The following MAP1B variants were observed in gnomAD, a reference collection of about 807,000 sequenced individuals.
MAP1B encodes the protein microtubule-associated protein 1B.
Under a neutral mutation model 176.1 loss-of-function variants are expected in MAP1B, and 12 were observed. That is an observed-to-expected ratio of 0.07 (90% CI 0.04 to 0.11). The LOEUF (loss-of-function observed/expected upper bound fraction) is 0.11. Ranked by LOEUF, MAP1B falls within the 10% of genes least tolerant of loss-of-function variation. The probability of loss-of-function intolerance (pLI) is 1.00; values close to 1 mark genes in which losing one functional copy is unlikely to be tolerated. For missense variants in MAP1B, 2,523 were observed against 2,990.5 expected, an observed-to-expected ratio of 0.84 and a Z score of 3.65; for synonymous variants, 1,044 against 1,135.0, an observed-to-expected ratio of 0.92 and a Z score of 1.61.
intron 2 of MAP1B, among the ~76,000 whole-genome samples, chr5:72,156,749 T>C (rs2112173716): frequency 6.6e-6 from 1 of 152,306 alleles, no homozygotes; most frequent in Middle Eastern, 3.4e-3. Flanking sequence ...CCAGCTTCTG[T>C]TGCCGTGCAC....
chr5:72,197,164 C>G lies in MAP1B; in HGVS notation c.3809C>G (p.Thr1270Ser), dbSNP rs774573313. The G allele has an allele frequency of 2.9e-5, 47 of 1,613,952 alleles. No homozygotes were observed. In the South Asian group the frequency reaches 3.4e-4, roughly 12 times the overall value. ...SPSPPSPLEK[T>S]PLGERSVNFS... is the part of the protein sequence containing the mutation. ...TCTCCACCATCACCCTTAGAAAAGA[C>G]CCCCCTGGGTGAACGTAGTGTGAAC... is the stretch of plus-strand genomic sequence containing the variant. The change falls in exon 5 of 7, where the codon ACC (threonine) becomes AGC (serine). Residue 1270 changes from threonine to serine, a missense_variant. By Grantham distance (58) the Thr-to-Ser change is moderately conservative. Transcript: ENST00000296755.
intron 2 of MAP1B, among the ~76,000 whole-genome samples, chr5:72,138,042 A>T (rs1745868846): frequency 6.6e-6 from 1 of 152,220 alleles, no homozygotes; most frequent in Admixed American, 6.5e-5. Context: ...AACCCACCCT[A>T]TCACTTTAAA....
In MAP1B at chr5:72,198,727, A is replaced by G. The variant is rs1157845544; in HGVS notation, c.5372A>G (p.Glu1791Gly). The change falls in exon 5 of 7, where the codon GAG becomes GGG. Residue 1791 changes from glutamate (E) to glycine (G), a missense_variant. Glu to Gly is a moderately conservative substitution (Grantham distance 98). Transcript: ENST00000296755. ...KSDISPLTPR[E>G]SSPLYSPTFS... Reference sequence around the variant, plus strand: ...GATATCTCTCCACTCACCCCACGAGAGTCCTCTCCTTTATATTCACCTACT... The same window carrying G: ...GATATCTCTCCACTCACCCCACGAGGGTCCTCTCCTTTATATTCACCTACT... 6.2e-7 allele frequency: 1 copy of G among 1,614,150 alleles called. No homozygotes were observed. Among genetic ancestry groups the G allele is most frequent in the Non-Finnish European group, 8.5e-7 (1 of 1,180,034 alleles).
chr5:72,117,285 C>T (rs951727182), intron 2 of MAP1B, among the ~76,000 whole-genome samples: 4 of 152,052 alleles, frequency 2.6e-5, no homozygotes, highest in African/African-American at 9.7e-5. Context: ...TTAAAACCAT[C>T]TCACAAAAAA....
chr5:72,197,558 G>A lies in MAP1B; in HGVS notation c.4203G>A (p.Pro1401=), dbSNP rs752177471. The change falls in exon 5 of 7, where the codon CCG becomes CCA. Residue 1401 remains proline (P), a synonymous_variant. Transcript: ENST00000296755. The part of the protein sequence containing the change: ...IEKVLSPLRS[P]PLIGSESAYE... ...AAGTTTTGTCTCCTTTACGCAGCCC[G>A]CCCCTCATTGGATCCGAGTCTGCTT... 5.6e-6 allele frequency: 9 copies of A among 1,614,020 alleles called. No homozygotes were observed. Among genetic ancestry groups the A allele is most frequent in the East Asian group, 4.5e-5 (2 of 44,902 alleles).
chr5:72,148,133 A>G (rs1746078592), intron 2 of MAP1B, among the ~76,000 whole-genome samples: 1 of 152,228 alleles, frequency 6.6e-6, no homozygotes, highest in African/African-American at 2.4e-5. Context: ...GATTTTAAAA[A>G]TGGAAATTAT....
intron 2 of MAP1B, among the ~76,000 whole-genome samples, chr5:72,178,576 C>T (rs1746697374): frequency 6.6e-6 from 1 of 152,196 alleles, no homozygotes; most frequent in Non-Finnish European, 1.5e-5. Flanking sequence ...AAGCCCCTGC[C>T]CATGCCCTGC....
chr5:72,119,515 T>C (rs1348300333), intron 2 of MAP1B, among the ~76,000 whole-genome samples: 5 of 152,214 alleles, frequency 3.3e-5, no homozygotes, highest in African/African-American at 1.2e-4. Flanking sequence ...TTGTTGTTGT[T>C]GTTGTTTTGA....
intron 2 of MAP1B, among the ~76,000 whole-genome samples, chr5:72,147,643 A>G (rs1191947834): frequency 2.0e-5 from 3 of 152,254 alleles, no homozygotes; most frequent in African/African-American, 4.8e-5. Context: ...TCAATTGGCC[A>G]GTATTCCTGT....
At chr5:72,178,026 G>A (rs761374479) in intron 2 of MAP1B, among the ~76,000 whole-genome samples, 44 of 151,178 alleles carry the variant, frequency 2.9e-4, no homozygotes, top group Non-Finnish European at 4.9e-4. Context: ...TTTTTGAGGC[G>A]GAGTCTCACT....
chr5:72,145,540 T>C (rs1746029195), intron 2 of MAP1B, among the ~76,000 whole-genome samples: 1 of 152,226 alleles, frequency 6.6e-6, no homozygotes, highest in Non-Finnish European at 1.5e-5. Flanking sequence ...TGATGGAGAA[T>C]AATACATGAA....
chr5:72,122,870 C>T (rs929901326), intron 2 of MAP1B, among the ~76,000 whole-genome samples: 1 of 152,146 alleles, frequency 6.6e-6, no homozygotes, highest in Non-Finnish European at 1.5e-5. Flanking sequence ...CCAAGGACAG[C>T]ACCTCATGCT....
At chr5:72,180,879 G>T (rs1746749164) in intron 2 of MAP1B, among the ~76,000 whole-genome samples, 1 of 152,100 alleles carries the variant, frequency 6.6e-6, no homozygotes, top group Non-Finnish European at 1.5e-5. Context: ...TTTGGTGTCT[G>T]TGCCTTGTCT....
At chr5:72,203,886 C>A in intron 6 of MAP1B, 85 bp downstream of exon 6, 2 of 1,263,798 alleles carry the variant, frequency 1.6e-6, no homozygotes, top group Non-Finnish European at 1.1e-6. Flanking sequence ...AGAGGCACCT[C>A]ATGTGGCTGA....
At chr5:72,178,124 T>C (rs1055157567) in intron 2 of MAP1B, among the ~76,000 whole-genome samples, 1 of 152,322 alleles carries the variant, frequency 6.6e-6, no homozygotes, top group Non-Finnish European at 1.5e-5. Context: ...TGCCTCAGCC[T>C]CCCAAGTAGC....
At chr5:72,158,297 C>T (rs527594968) in intron 2 of MAP1B, among the ~76,000 whole-genome samples, 11 of 152,114 alleles carry the variant, frequency 7.2e-5, no homozygotes, top group Admixed American at 3.3e-4. Flanking sequence ...CATAAGCCAC[C>T]GTGCCTGGCC....
intron 2 of MAP1B, among the ~76,000 whole-genome samples, chr5:72,123,937 T>C (rs1025661682): frequency 2.6e-5 from 4 of 152,140 alleles, no homozygotes; most frequent in African/African-American, 9.7e-5. Context: ...AGCGTGAGAG[T>C]TCTCTTAATT....
intron 2 of MAP1B, chr5:72,179,567 C>T (rs1746723055): frequency 2.1e-6 from 2 of 968,322 alleles, no homozygotes; most frequent in African/African-American, 1.8e-5. Flanking sequence ...CGCAGGAAAG[C>T]TGGCACCCAC....
In MAP1B at chr5:72,205,571, G is replaced by A. The variant is rs75893221; in HGVS notation, c.*332G>A. The A allele has an allele frequency of 0.023, 4,809 of 211,780 alleles. 260 individuals are homozygous for A. Among genetic ancestry groups the A allele is most frequent in the African/African-American group, 0.1 (4,507 of 43,436 alleles). The allele number at this position is 211,780 out of a possible 1,614,324, so 13.1% of individuals were successfully genotyped here. A position where few individuals can be genotyped will look rare whatever the true frequency, so the allele number is the denominator to read the frequency against. On this transcript the variant is annotated 3_prime_UTR_variant, in exon 7 of 7. Coordinates refer to ENST00000296755, the MANE Select transcript of MAP1B (RefSeq NM_005909.5). ...TTTGTCTTAGAGAGAGAGAGAGCGC[G>A]GGAGAGAGTGAGAGAGAGTGAGAGC...
Sources: gnomAD v4.1 joint callset for allele counts (sites outside exome capture counted in the v4.1 genomes callset) on GRCh38, gnomAD v4.1.1 for gene constraint, MANE v1.5 for transcripts, NCBI Gene and HGNC (gene_info 2026-07-23, HGNC 2026-07-21) for gene names.